Variants in ARHGAP32 observed in about 807,000 individuals in gnomAD.
The protein encoded by ARHGAP32 is Rho GTPase activating protein 32.
Under a neutral mutation model 186.5 loss-of-function variants are expected in ARHGAP32, and 51 were observed. The observed-to-expected ratio is 0.27, with a 90% confidence interval of 0.22 to 0.35. The LOEUF is 0.35. Among genes scored for constraint, ARHGAP32 ranks in the 10% least tolerant of loss-of-function variants. The pLI, the probability that ARHGAP32 is intolerant of heterozygous loss-of-function variation, is 1.00. For missense variants in ARHGAP32, 2,186 were observed against 2,623.5 expected, an observed-to-expected ratio of 0.83 and a Z score of 3.64; for synonymous variants, 950 against 964.3, an observed-to-expected ratio of 0.99 and a Z score of 0.27.
chr11:129,177,737 G>A (rs1264920121), intron 1 of ARHGAP32, among the ~76,000 whole-genome samples: 14 of 152,108 alleles, frequency 9.2e-5, no homozygotes, highest in South Asian at 2.1e-4. Flanking sequence ...AAATTCAACA[G>A]CCCTTCATGC....
chr11:129,123,184 G>A lies in ARHGAP32; in HGVS notation c.444+262C>T, dbSNP rs1232650050. Among the ~76,000 whole-genome samples the A allele has an allele frequency of 6.6e-6, 1 of 152,086 alleles. No homozygotes were observed. The highest frequency in any genetic ancestry group is 1.5e-5 in the Non-Finnish European group (1 of 67,986). On this transcript the variant is annotated intron_variant, in intron 5 of 22. Transcript: ENST00000682385. The surrounding 1 kb of genome is among the most constrained non-coding windows in gnomAD (Gnocchi z 4.6). ...CACAAAGCCATGGACATATGGACAT[G>A]ATACAGGAAAACGGAGGGGGACAGG...
intron 1 of ARHGAP32, among the ~76,000 whole-genome samples, chr11:129,178,049 T>C (rs1943959797): frequency 6.7e-6 from 1 of 150,350 alleles, no homozygotes; most frequent in South Asian, 2.1e-4. Flanking sequence ...AACCCCATTG[T>C]CTCAGCCCAA....
intron 2 of ARHGAP32, among the ~76,000 whole-genome samples, chr11:129,154,850 A>G (rs1284019974): frequency 6.6e-6 from 1 of 152,092 alleles, no homozygotes; most frequent in Non-Finnish European, 1.5e-5. Context: ...CCATGTAATT[A>G]AAAGCCACCT....
chr11:129,148,419 T>TA (rs1258495602), intron 2 of ARHGAP32, among the ~76,000 whole-genome samples: 5 of 151,966 alleles, frequency 3.3e-5, no homozygotes, highest in Non-Finnish European at 7.4e-5. Flanking sequence ...ATGAAAAACA[T>TA]AAAAGTGGAA....
chr11:129,138,905 GAA>G (rs1438157562), intron 2 of ARHGAP32, among the ~76,000 whole-genome samples: 2 of 152,172 alleles, frequency 1.3e-5, no homozygotes, highest in African/African-American at 2.4e-5. Flanking sequence ...GACCAAGAAA[GAA>G]GAGATTTGCA....
chr11:129,196,555 G>A (rs1484655092), upstream of ARHGAP32, among the ~76,000 whole-genome samples: 1 of 152,142 alleles, frequency 6.6e-6, no homozygotes, highest in African/African-American at 2.4e-5. Flanking sequence ...GGGTGTCCTG[G>A]AAACGATTTC....
At chr11:129,003,888 C>T (rs1387142591) in intron 11 of ARHGAP32, among the ~76,000 whole-genome samples, 1 of 151,874 alleles carries the variant, frequency 6.6e-6, no homozygotes. Context: ...CTGCCCTGAT[C>T]TTTCATTATT....
intron 1 of ARHGAP32, among the ~76,000 whole-genome samples, chr11:129,188,885 A>G (rs1354702716): frequency 1.3e-5 from 2 of 152,204 alleles, no homozygotes; most frequent in Non-Finnish European, 2.9e-5. Context: ...TTCAAATTAT[A>G]TGTCATATTT....
At chr11:129,035,294 TATTA>T (rs1939286064) in intron 11 of ARHGAP32, among the ~76,000 whole-genome samples, 1 of 152,180 alleles carries the variant, frequency 6.6e-6, no homozygotes, top group Non-Finnish European at 1.5e-5. Flanking sequence ...TAATTGAACA[TATTA>T]ATAACATTTA....
chr11:128,979,470 T>C (rs1005444419), intron 18 of ARHGAP32, among the ~76,000 whole-genome samples: 1 of 152,194 alleles, frequency 6.6e-6, no homozygotes, highest in African/African-American at 2.4e-5. Flanking sequence ...AAATAACTTC[T>C]TTAACATTAT....
chr11:129,179,612 C>T (rs1944004584), intron 1 of ARHGAP32, among the ~76,000 whole-genome samples: 2 of 151,656 alleles, frequency 1.3e-5, no homozygotes, highest in South Asian at 4.2e-4. Flanking sequence ...TACTATGCAG[C>T]CATAAAAAAT....
chr11:129,118,302 G>A (rs751935275), intron 5 of ARHGAP32, among the ~76,000 whole-genome samples: 7 of 151,558 alleles, frequency 4.6e-5, no homozygotes, highest in African/African-American at 7.3e-5. Flanking sequence ...TAGGCAATAC[G>A]CATTATTCTC....
chr11:129,215,015 G>A (rs1944627917), intron 1 of ARHGAP32, among the ~76,000 whole-genome samples: 1 of 152,118 alleles, frequency 6.6e-6, no homozygotes, highest in African/African-American at 2.4e-5. Flanking sequence ...AGCCGCTTAG[G>A]AACACTCAAA....
intron 2 of ARHGAP32, among the ~76,000 whole-genome samples, chr11:129,156,550 T>C (rs1288459793): frequency 6.6e-6 from 1 of 152,168 alleles, no homozygotes; most frequent in African/African-American, 2.4e-5. Context: ...AGGCAGGACA[T>C]GTCTGTAAGA....
chr11:129,203,384 C>G (rs1441638082), intron 1 of ARHGAP32, among the ~76,000 whole-genome samples: 1 of 151,950 alleles, frequency 6.6e-6, no homozygotes, highest in Non-Finnish European at 1.5e-5. Context: ...ACAAAAAACA[C>G]CAGTAAAGTA....
At chr11:129,232,861 T>C (rs1382669856) in intron 1 of ARHGAP32, among the ~76,000 whole-genome samples, 1 of 152,204 alleles carries the variant, frequency 6.6e-6, no homozygotes, top group East Asian at 1.9e-4. Flanking sequence ...CTGACTTCTC[T>C]TTCCGCTACC....
In ARHGAP32 at chr11:128,981,496, GAC is replaced by G. The variant is rs1382237636; in HGVS notation, c.1698_1699del (p.Gln566HisfsTer5). 1 of 1,614,060 alleles carries G rather than the reference GAC, an allele frequency of 6.2e-7. No homozygotes were observed. The highest frequency in any genetic ancestry group is 2.2e-5 in the East Asian group (1 of 44,884). On this transcript the variant is annotated frameshift_variant, in exon 17 of 23. Coordinates refer to ENST00000682385, the MANE Select transcript of ARHGAP32 (RefSeq NM_001378024.1). LOFTEE classifies it high-confidence loss of function. ...ATTCAGGATGAACTCAACAACCACA[GAC>G]TGAATCCTCACTTCCATGAAAGCTG...
chr11:129,170,770 A>T (rs1943743252), intron 1 of ARHGAP32, among the ~76,000 whole-genome samples: 1 of 152,172 alleles, frequency 6.6e-6, no homozygotes, highest in East Asian at 1.9e-4. Context: ...GGTTGAACTA[A>T]TTTACATTCC....
At position 129,043,386 on chromosome 11, in the gene ARHGAP32, T is replaced by C. The variant is rs972478325; in HGVS notation, c.964-2377A>G. Among the ~76,000 whole-genome samples, 49 of 143,932 alleles carry C rather than the reference T, an allele frequency of 3.4e-4. No homozygotes were observed. The East Asian group carries it at 4.3e-3, about 13-fold the overall frequency. 94.4% of individuals were successfully genotyped at this position (143,932 alleles called of 152,430 possible). ...CTATGCAAATTTCTTTTTTTCTTTT[T>C]TTTTTTTTTTTTTTTGCGCAACGGA... On this transcript the variant is annotated intron_variant, in intron 10 of 22. Coordinates refer to ENST00000682385, the MANE Select transcript of ARHGAP32 (RefSeq NM_001378024.1).
Sources: gnomAD v4.1 joint callset for allele counts (sites outside exome capture counted in the v4.1 genomes callset) on GRCh38, gnomAD v4.1.1 for gene constraint, Gnocchi (gnomAD v3.1) non-coding constraint, MANE v1.5 for transcripts, NCBI Gene and HGNC (gene_info 2026-07-23, HGNC 2026-07-21) for gene names.